The following SNAP47 variants were observed in gnomAD, a reference collection of about 807,000 sequenced individuals.
SNAP47 encodes the protein synaptosomal-associated protein 47.
Under a neutral mutation model 31.4 loss-of-function variants are expected in SNAP47, and 20 were observed. That is an observed-to-expected ratio of 0.64 (90% confidence interval 0.45 to 0.93). SNAP47 has a LOEUF of 0.93. Among genes scored for constraint, SNAP47 ranks in the 40% least tolerant of loss-of-function variants. SNAP47 has a pLI of 0.00. For synonymous variants in SNAP47, 194 were observed against 213.4 expected (o/e 0.91, Z 0.79); for missense variants, 492 against 528.5 (o/e 0.93, Z 0.68).
chr1:227,734,352 T>TAA (rs56684758), upstream of SNAP47: 722 of 77,592 alleles, frequency 9.3e-3, 22 homozygotes, highest in African/African-American at 0.04. Flanking sequence ...CTAGTCTCTT[T>TAA]AAAAAAAAAA....
At chr1:227,732,376 A>G (rs921275575), upstream of SNAP47, 4 of 1,609,036 alleles carry the variant, frequency 2.5e-6, no homozygotes, top group Admixed American at 1.7e-5. Flanking sequence ...CCGTCCTTCT[A>G]TCCTCACGAC....
At chr1:227,743,291 T>C (rs1661740081) in intron 1 of SNAP47, among the ~76,000 whole-genome samples, 1 of 152,148 alleles carries the variant, frequency 6.6e-6, no homozygotes, top group Non-Finnish European at 1.5e-5. Flanking sequence ...TGTCAGGCCC[T>C]CCCCAGAAGA....
intron 2 of SNAP47, among the ~76,000 whole-genome samples, chr1:227,750,933 A>G (rs1179585845): frequency 6.6e-6 from 1 of 152,168 alleles, no homozygotes; most frequent in African/African-American, 2.4e-5. Flanking sequence ...GGAGGCTGCC[A>G]AGGCACACGA....
chr1:227,747,491 G>A (rs1432498043), intron 1 of SNAP47, among the ~76,000 whole-genome samples: 1 of 152,172 alleles, frequency 6.6e-6, no homozygotes, highest in East Asian at 1.9e-4. Context: ...TTCCAAACCA[G>A]CCCTCCTGCT....
intron 4 of SNAP47, among the ~76,000 whole-genome samples, chr1:227,773,834 G>A (rs540973028): frequency 2.0e-5 from 3 of 152,344 alleles, no homozygotes; most frequent in South Asian, 4.1e-4. Flanking sequence ...GTGTACTCTA[G>A]CGTTGTCCCA....
At chr1:227,739,082 C>G (rs139967642) in intron 1 of SNAP47, among the ~76,000 whole-genome samples, 1 of 152,264 alleles carries the variant, frequency 6.6e-6, no homozygotes, top group Non-Finnish European at 1.5e-5. Flanking sequence ...ACCCAGAGCC[C>G]GCTAGATCAG....
intron 4 of SNAP47, among the ~76,000 whole-genome samples, chr1:227,774,127 G>A (rs1664014693): frequency 6.6e-6 from 1 of 152,184 alleles, no homozygotes. Context: ...GGCCCATGGA[G>A]GCATCTGGTA....
chr1:227,777,123 AT>A, intron 4 of SNAP47: 1 of 843,894 alleles, frequency 1.2e-6, no homozygotes, highest in Non-Finnish European at 1.4e-6. Context: ...AAAAAAAGTT[AT>A]TTTATTTTCT....
At chr1:227,766,578 A>T (rs767505757) in intron 3 of SNAP47, among the ~76,000 whole-genome samples, 17 of 152,206 alleles carry the variant, frequency 1.1e-4, no homozygotes, top group Non-Finnish European at 1.9e-4. Flanking sequence ...CCAGAACCTC[A>T]GCCTTCTGCA....
upstream of SNAP47, chr1:227,734,742 TGA>T (rs1558183956): frequency 3.1e-6 from 5 of 1,614,194 alleles, no homozygotes; most frequent in Non-Finnish European, 4.2e-6. Context: ...ATGTAGTCTC[TGA>T]GAGTCATGTG....
Position 227,741,111 on chromosome 1 carries a change from T to C in SNAP47, c.-46+5612T>C, listed in dbSNP as rs566578458. 6.6e-6 allele frequency among the ~76,000 whole-genome samples: 1 copy of C among 152,154 alleles called. No individual in the cohort carries two copies. Among genetic ancestry groups the C allele is most frequent in the African/African-American group, 2.4e-5 (1 of 41,516 alleles). The stretch of plus-strand genomic sequence containing the variant: ...AGGAGCTGATGGAAGGAATGTGAAG[T>C]TCAAGTGCCTGTTAGGGGTGGGGGC... On this transcript the variant is annotated intron_variant, in intron 1 of 4. Coordinates refer to ENST00000617596, the MANE Select transcript of SNAP47 (RefSeq NM_053052.4). This position sits in a 1 kb window ranked among gnomAD's most constrained non-coding sequence, Gnocchi z 4.2.
chr1:227,759,719 G>T, intron 3 of SNAP47: 1 of 581,982 alleles, frequency 1.7e-6, no homozygotes. Context: ...TGATAGGTGC[G>T]TGAATTCCAA....
upstream of SNAP47, chr1:227,733,487 G>T: frequency 6.3e-7 from 1 of 1,595,148 alleles, no homozygotes; most frequent in Non-Finnish European, 8.5e-7. Flanking sequence ...GATCTCCAAG[G>T]GTGGGCCAGC....
chr1:227,746,020 C>G (rs1661941679), intron 1 of SNAP47: 1 of 152,318 alleles, frequency 6.6e-6, no homozygotes, highest in Non-Finnish European at 1.5e-5. Context: ...GGGACCAAAT[C>G]TGTCCAGTCA....
At chr1:227,750,112 T>G (rs188517186) in intron 2 of SNAP47, among the ~76,000 whole-genome samples, 115 of 152,372 alleles carry the variant, frequency 7.5e-4, no homozygotes, top group Middle Eastern at 3.4e-3. Flanking sequence ...TCACATCTTG[T>G]ACTTGACTAA....
At chr1:227,754,394 A>G (rs1444752987) in intron 2 of SNAP47, among the ~76,000 whole-genome samples, 2 of 152,172 alleles carry the variant, frequency 1.3e-5, no homozygotes, top group Admixed American at 6.5e-5. Flanking sequence ...GGTCTTGGGA[A>G]GTGCATTTGG....
upstream of SNAP47, chr1:227,730,866 T>C (rs983512374): frequency 1.3e-5 from 2 of 152,306 alleles, no homozygotes; most frequent in Non-Finnish European, 1.5e-5. Context: ...AGCTGCCTGC[T>C]GGCAGTGTCC....
upstream of SNAP47, chr1:227,732,906 ATGGAGTC>A: frequency 3.1e-6 from 5 of 1,612,820 alleles, no homozygotes; most frequent in Non-Finnish European, 4.2e-6. Context: ...CCAGTCGGGC[ATGGAGTC>A]CCTCCACTCG....
At chr1:227,730,615 C>T (rs78552045), upstream of SNAP47, 2,059 of 152,312 alleles carry the variant, frequency 0.014, 45 homozygotes, top group African/African-American at 0.047. Context: ...TCAATGCCTG[C>T]TTTAACCAAG....
Sources: allele counts gnomAD v4.1 joint callset (sites outside exome capture counted in the v4.1 genomes callset), GRCh38; gene constraint gnomAD v4.1.1; non-coding constraint Gnocchi (gnomAD v3.1); transcripts MANE v1.5; gene names NCBI Gene and HGNC (gene_info 2026-07-23, HGNC 2026-07-21).